RARS2: variants seen among roughly 807,000 people sequenced by gnomAD.
RARS2 encodes the protein probable arginine--tRNA ligase, mitochondrial.
RARS2 carries 67 observed loss-of-function variants against 88.5 expected under a neutral mutation model. That is an observed-to-expected ratio of 0.76 (90% confidence interval 0.62 to 0.93). RARS2 has a LOEUF of 0.93. Among genes scored for constraint, RARS2 ranks in the 40% least tolerant of loss-of-function variants. The pLI is 0.00. For missense variants in RARS2, 664 were observed against 684.2 expected, an observed-to-expected ratio of 0.97 and a Z score of 0.33; for synonymous variants, 239 against 230.3, an observed-to-expected ratio of 1.04 and a Z score of -0.34.
chr6:87,543,140 A>G (rs764761487), intron 7 of RARS2, among the ~76,000 whole-genome samples: 4 of 114,608 alleles, frequency 3.5e-5, no homozygotes, highest in Non-Finnish European at 7.2e-5. Flanking sequence ...TGTCTCTACT[A>G]AAAAAATACA....
At position 87,555,506 on chromosome 6, in the gene RARS2, C is replaced by T; in HGVS notation, c.298-1G>A. 6.2e-7 allele frequency: 1 copy of T among 1,607,510 alleles called. No individual in the cohort carries two copies. Among genetic ancestry groups the T allele is most frequent in the South Asian group, 1.1e-5 (1 of 90,892 alleles). On this transcript the variant is annotated splice_acceptor_variant, in intron 4 of 19. Transcript: ENST00000369536. LOFTEE classifies it high-confidence loss of function. ...CTTCAATTACTTGTTGTAGCACTGTCTGAAAATTAAAGGACTGTAATTTAA... is the reference window on the plus strand; with the variant it reads ...CTTCAATTACTTGTTGTAGCACTGTTTGAAAATTAAAGGACTGTAATTTAA...
intron 2 of RARS2, among the ~76,000 whole-genome samples, chr6:87,565,714 A>G (rs946683680): frequency 1.3e-5 from 2 of 152,238 alleles, no homozygotes; most frequent in Non-Finnish European, 2.9e-5. Context: ...TAATCAACAT[A>G]TAAGCATCTA....
At chr6:87,574,046 AT>A (rs905140706) in intron 1 of RARS2, among the ~76,000 whole-genome samples, 3 of 152,228 alleles carry the variant, frequency 2.0e-5, no homozygotes, top group Admixed American at 6.5e-5. Flanking sequence ...AAATTCCATT[AT>A]TTTTTCCCTC....
chr6:87,520,802 A>G (rs1249589759), intron 12 of RARS2, among the ~76,000 whole-genome samples: 4 of 152,180 alleles, frequency 2.6e-5, no homozygotes, highest in African/African-American at 9.6e-5. Flanking sequence ...AGAGTGACAA[A>G]ATTGTGCTGA....
chr6:87,562,648 T>C, intron 4 of RARS2, 54 bp downstream of exon 4: 1 of 1,351,646 alleles, frequency 7.4e-7, no homozygotes, highest in South Asian at 1.2e-5. Context: ...AAGACCACTG[T>C]GGCTGAAGCA....
intron 2 of RARS2, 45 bp from the exon 3 acceptor site, chr6:87,564,277 C>T (rs774720978): frequency 7.3e-7 from 1 of 1,373,226 alleles, no homozygotes; most frequent in South Asian, 1.2e-5. Context: ...ACCTTAAAAG[C>T]ATTAGTTGTT....
intron 14 of RARS2, 87 bp from the exon 15 acceptor site, chr6:87,518,978 TA>T (rs1382482077): frequency 6.4e-6 from 8 of 1,253,874 alleles, no homozygotes; most frequent in Non-Finnish European, 8.2e-6. Context: ...GCCAAAAATG[TA>T]TGCTGACAAT....
At chr6:87,577,383 G>A (rs1240116419) in intron 1 of RARS2, among the ~76,000 whole-genome samples, 6 of 151,892 alleles carry the variant, frequency 4.0e-5, no homozygotes, top group Non-Finnish European at 5.9e-5. Flanking sequence ...TTGTGGAGAC[G>A]GCATATCTCA....
At position 87,524,557 on chromosome 6, in the gene RARS2, C is replaced by G; in HGVS notation, c.974G>C (p.Arg325Thr). The G allele has an allele frequency of 6.2e-7, 1 of 1,603,376 alleles. No individual in the cohort carries two copies. Among genetic ancestry groups the G allele is most frequent in the African/African-American group, 1.3e-5 (1 of 74,704 alleles). ...GTTGACCCTCACAGAGGCTACAAACCTGGTTGCATAGAGAGAAGTCCCATC... is the reference window on the plus strand; with the variant it reads ...GTTGACCCTCACAGAGGCTACAAACGTGGTTGCATAGAGAGAAGTCCCATC... The part of the protein sequence containing the change: ...RSDGTSLYAT[R>T]DLAAAIDRMD... Residue 325 changes from arginine to threonine, a missense_variant and splice_region_variant, in exon 11 of 20, where the codon AGA (arginine) becomes ACA (threonine). Arg to Thr is a moderately conservative substitution (Grantham distance 71). Coordinates refer to ENST00000369536, the MANE Select transcript of RARS2 (RefSeq NM_020320.5).
Position 87,530,906 on chromosome 6 carries a change from T to C in RARS2, c.649A>G (p.Lys217Glu), listed in dbSNP as rs774513748. 2 of 1,614,226 alleles carry C rather than the reference T, an allele frequency of 1.2e-6. No homozygotes were observed. Among genetic ancestry groups the C allele is most frequent in the Admixed American group, 3.3e-5 (2 of 60,026 alleles). The change falls in exon 9 of 20, where the codon AAA (lysine) becomes GAA (glutamate). Residue 217 changes from lysine to glutamate, a missense_variant. Transcript: ENST00000369536. The stretch of plus-strand genomic sequence containing the variant: ...TCCTGTGCTGCTTTTGCTACACTTT[T>C]ATCATCTGCTGCTTCTTTATTAACT... Reference protein sequence around the residue: ...VQVNKEAADDKSVAKAAQEFF... With the variant: ...VQVNKEAADDESVAKAAQEFF...
chr6:87,565,543 A>G (rs1767606257), intron 2 of RARS2, among the ~76,000 whole-genome samples: 1 of 150,972 alleles, frequency 6.6e-6, no homozygotes, highest in Non-Finnish European at 1.5e-5. Context: ...AATGCTTAAC[A>G]AAAATCAAAA....
At chr6:87,545,455 TAGA>T (rs1782321727) in intron 7 of RARS2, among the ~76,000 whole-genome samples, 158 bp downstream of exon 7, 1 of 123,284 alleles carries the variant, frequency 8.1e-6, no homozygotes, top group Admixed American at 8.4e-5. Context: ...CTCAAATAAA[TAGA>T]AGATTTTATG....
At chr6:87,569,893 TAA>T (rs1181812503) in intron 1 of RARS2, among the ~76,000 whole-genome samples, 12 of 136,718 alleles carry the variant, frequency 8.8e-5, no homozygotes, top group Admixed American at 7.3e-5. Context: ...CTTCGTAAAT[TAA>T]AAAAAAAAAA....
chr6:87,570,304 C>A lies in RARS2; in HGVS notation c.37-714G>T, dbSNP rs28360780. ...TATAGGTGTGAGGAACTGTGCCTTG[C>A]TGGATTTGTATTTTCTAAAAGCTCC... is the stretch of plus-strand genomic sequence containing the variant. On this transcript the variant is annotated intron_variant, in intron 1 of 19. Transcript: ENST00000369536. Among the ~76,000 whole-genome samples, 65 of 152,244 alleles carry A rather than the reference C, an allele frequency of 4.3e-4. 1 individual carries two copies. Among genetic ancestry groups the A allele is most frequent in the African/African-American group, 1.6e-3 (65 of 41,540 alleles).
chr6:87,540,446 CAA>C (rs34144204), intron 8 of RARS2, among the ~76,000 whole-genome samples: 1 of 42,356 alleles, frequency 2.4e-5, no homozygotes, highest in Admixed American at 2.7e-4. Flanking sequence ...TGAGACTCCT[CAA>C]AAAAAAAAAA....
intron 1 of RARS2, among the ~76,000 whole-genome samples, chr6:87,589,433 C>T (rs1271936830): frequency 6.6e-6 from 1 of 152,148 alleles, no homozygotes; most frequent in East Asian, 1.9e-4. Flanking sequence ...CGACCCTGAA[C>T]CAAGAAAAAC....
At chr6:87,575,554 T>C (rs756539382) in intron 1 of RARS2, among the ~76,000 whole-genome samples, 20 of 152,070 alleles carry the variant, frequency 1.3e-4, no homozygotes, top group Non-Finnish European at 2.9e-4. Flanking sequence ...CCAGAGAGGA[T>C]GAGGTGCTAT....
rs961411818 is a variant in RARS2 at position 87,530,721 on chromosome 6, T to C, written c.771+63A>G. 8 of 1,567,422 alleles carry C rather than the reference T, an allele frequency of 5.1e-6. 1 individual carries two copies. The highest frequency in any genetic ancestry group is 2.7e-5 in the African/African-American group (2 of 73,898). On this transcript the variant is annotated intron_variant, in intron 9 of 19. Transcript: ENST00000369536. The stretch of plus-strand genomic sequence containing the variant: ...ACAAGCTTAACACGCAACTTTACTA[T>C]GCAGGTAACAGCCGAGAGCTGCACT...
At chr6:87,562,625 T>A in intron 4 of RARS2, 77 bp downstream of exon 4, 1 of 1,144,416 alleles carries the variant, frequency 8.7e-7, no homozygotes, top group Non-Finnish European at 1.3e-6. Flanking sequence ...ATAAAGAATT[T>A]AAAAACTGGA....
Sources: gnomAD v4.1 joint callset for allele counts (sites outside exome capture counted in the v4.1 genomes callset) on GRCh38, gnomAD v4.1.1 for gene constraint, MANE v1.5 for transcripts, NCBI Gene and HGNC (gene_info 2026-07-23, HGNC 2026-07-21) for gene names.